Variants in JAG2 observed in about 807,000 individuals in gnomAD.
The protein encoded by JAG2 is jagged canonical Notch ligand 2.
JAG2 carries 46 observed loss-of-function variants against 141.7 expected under a neutral mutation model. The observed-to-expected ratio is 0.32, with a 90% CI of 0.26 to 0.42. The LOEUF is 0.42. JAG2 is among the 10% of genes least tolerant of loss of function. The pLI is 1.00. For synonymous variants in JAG2, 862 were observed against 763.5 expected (o/e 1.13, Z -2.13); for missense variants, 1,500 against 1,817.5 (o/e 0.83, Z 3.18).
At position 105,168,335 on chromosome 14, in the gene JAG2, G is replaced by A; in HGVS notation, c.66+20C>T. 2.0e-5 allele frequency: 7 copies of A among 347,110 alleles called. No individual in the cohort carries two copies. The highest frequency in any genetic ancestry group is 1.2e-4 in the South Asian group (2 of 16,052). 21.5% of individuals were successfully genotyped at this position (347,110 alleles called of 1,614,324 possible). ...GTGTGCCCCGTCCGCGACCCCCGCC[G>A]CCCCCGCCGCCCCGCTCACCTGCAC... On this transcript the variant is annotated intron_variant, in intron 1 of 25. Transcript: ENST00000331782.
At chr14:105,148,086 G>A in intron 17 of JAG2, 30 bp downstream of exon 17, 1 of 1,512,902 alleles carries the variant, frequency 6.6e-7, no homozygotes, top group Non-Finnish European at 9.0e-7. Flanking sequence ...CATATGCCCG[G>A]CGGTCGCAGA....
rs145737381 is a variant in JAG2, at chr14:105,145,832, C to T, written c.2851G>A (p.Ala951Thr). 2,617 of 1,562,734 alleles carry T rather than the reference C, an allele frequency of 1.7e-3. 35 individuals carry two copies. In the African/African-American group the frequency reaches 0.028, roughly 17 times the overall value. Residue 951 changes from alanine to threonine, a missense_variant, in exon 23 of 26, where the codon GCA (alanine) becomes ACA (threonine). This residue lies in a region of JAG2 where 425 missense variants were observed against 441.0 expected (regional missense o/e 0.96). Transcript: ENST00000331782. ...CAGGGGGTGCTCGGTGGCTCTTCTG[C>T]GCCGCACTCCCCCCAGGCCTCACAG... Reference protein sequence around the residue: ...PPCEAWGECGAEEPPSTPCLP... With the variant: ...PPCEAWGECGTEEPPSTPCLP...
In JAG2 at chr14:105,167,887, G is replaced by A; in HGVS notation, c.287C>T (p.Pro96Leu). Reference sequence around the variant, plus strand: ...GTAGAAGGAGTTGCCGCCCAGCACGGGCGTGGCGCCGTGGCCGTAGCTGCA... The same window carrying A: ...GTAGAAGGAGTTGCCGCCCAGCACGAGCGTGGCGCCGTGGCCGTAGCTGCA... ...GPCSYGHGAT[P>L]VLGGNSFYLP... is the part of the protein sequence containing the mutation. The change falls in exon 2 of 26, where the codon CCC (proline) becomes CTC (leucine). Residue 96 changes from proline to leucine, a missense_variant. Coordinates refer to ENST00000331782, the MANE Select transcript of JAG2 (RefSeq NM_002226.5). This position sits in a 1 kb window ranked among gnomAD's most constrained non-coding sequence, Gnocchi z 4.8. The A allele has an allele frequency of 1.3e-6, 2 of 1,584,408 alleles. No individual in the cohort carries two copies. Among genetic ancestry groups the A allele is most frequent in the Non-Finnish European group, 1.7e-6 (2 of 1,170,678 alleles).
Position 105,151,729 on chromosome 14 carries a change from G to A in JAG2, c.1050C>T (p.Ala350=). 6.2e-7 allele frequency: 1 copy of A among 1,609,816 alleles called. No homozygotes were observed. Among genetic ancestry groups the A allele is most frequent in the Non-Finnish European group, 8.5e-7 (1 of 1,178,726 alleles). ...SGRNCEKAEH[A]CTSNPCANGG... ...CGTTGGCACACGGGTTGGAGGTGCAGGCGTGCTCAGCTGTAGAACCGCGGG... is the reference window on the plus strand; with the variant it reads ...CGTTGGCACACGGGTTGGAGGTGCAAGCGTGCTCAGCTGTAGAACCGCGGG... Residue 350 remains alanine, a synonymous_variant, in exon 8 of 26, where the codon GCC becomes GCT. Coordinates refer to ENST00000331782, the MANE Select transcript of JAG2 (RefSeq NM_002226.5).
chr14:105,164,984 A>C (rs1209476336), intron 2 of JAG2, among the ~76,000 whole-genome samples: 6 of 152,170 alleles, frequency 3.9e-5, no homozygotes, highest in Non-Finnish European at 7.4e-5. Context: ...TCATAAGCCC[A>C]GATCTGTCAC....
chr14:105,164,751 G>A (rs587669362), intron 2 of JAG2, among the ~76,000 whole-genome samples: 54 of 152,288 alleles, frequency 3.5e-4, no homozygotes, highest in Admixed American at 3.5e-3. Context: ...ACAGGTCTGG[G>A]AGCCGGGCTG....
rs587644776 is a variant in JAG2, at chr14:105,155,829, C to T, written c.636G>A (p.Arg212=). 1.5e-5 allele frequency: 24 copies of T among 1,612,678 alleles called. 1 individual carries two copies. In the South Asian group the frequency reaches 2.5e-4, roughly 17 times the overall value. ...YYSATCNKFC[R]PRNDFFGHYT... is the part of the protein sequence containing the mutation. ...AGTGGCCGAAAAAGTCGTTGCGGGG[C>T]CGGCAGAACTTGTTGCAAGTGGCGC... The change falls in exon 4 of 26, where the codon CGG becomes CGA. Residue 212 remains arginine, a synonymous_variant. Transcript: ENST00000331782.
rs1430500463 is a variant in JAG2, at chr14:105,154,335, T to TGCTGTCTCTCCACCC, written c.788+1212_788+1226dup. Among the ~76,000 whole-genome samples, 42 of 152,280 alleles carry TGCTGTCTCTCCACCC rather than the reference T, an allele frequency of 2.8e-4. No homozygotes were observed. The highest frequency in any genetic ancestry group is 9.1e-4 in the African/African-American group (38 of 41,558). On this transcript the variant is annotated intron_variant, in intron 5 of 25. Transcript: ENST00000331782. This position sits in a 1 kb window ranked among gnomAD's most constrained non-coding sequence, Gnocchi z 4.4. ...CTGGAGGGCGGTGCTCACCTCCACC[T>TGCTGTCTCTCCACCC]GCTGTCTCTCCACCCGCTCGCGCCC...
At chr14:105,161,402 G>A (rs1415277032) in intron 2 of JAG2, among the ~76,000 whole-genome samples, 1 of 152,254 alleles carries the variant, frequency 6.6e-6, no homozygotes, top group South Asian at 2.1e-4. Context: ...CCGGTCTCCC[G>A]GCACAGCCAC....
chr14:105,167,699 G>C lies in JAG2; in HGVS notation c.417+58C>G. The C allele has an allele frequency of 7.3e-7, 1 of 1,368,524 alleles. No homozygotes were observed. The highest frequency in any genetic ancestry group is 9.4e-7 in the Non-Finnish European group (1 of 1,060,598). 84.8% of individuals were successfully genotyped at this position (1,368,524 alleles called of 1,614,324 possible). ...GGTGTTGGGGGTCGCGAAGCGCGCGGGGCCGGGGCGCGGAGAGAGAGGGAA... is the reference window on the plus strand; with the variant it reads ...GGTGTTGGGGGTCGCGAAGCGCGCGCGGCCGGGGCGCGGAGAGAGAGGGAA... On this transcript the variant is annotated intron_variant, in intron 2 of 25. Transcript: ENST00000331782. This position sits in a 1 kb window ranked among gnomAD's most constrained non-coding sequence, Gnocchi z 4.8.
At position 105,143,604 on chromosome 14, in the gene JAG2, CT is replaced by C; in HGVS notation, c.3118del (p.Ser1040AlafsTer2). 1 of 1,608,394 alleles carries C rather than the reference CT, an allele frequency of 6.2e-7. No homozygotes were observed. The highest frequency in any genetic ancestry group is 8.5e-7 in the Non-Finnish European group (1 of 1,179,622). ...FSPARDLPDSSLIQGAAHAIV... is the reference protein window; with the variant it reads ...FSPARDLPDSXLIQGAAHAIV... The stretch of plus-strand genomic sequence containing the variant: ...GGCGTGGGCCGCGCCCTGGATCAGG[CT>C]GCTGTCAGGCAGGTCCCTGGCAGGG... On this transcript the variant is annotated frameshift_variant, in exon 25 of 26. Coordinates refer to ENST00000331782, the MANE Select transcript of JAG2 (RefSeq NM_002226.5). LOFTEE classifies it high-confidence loss of function.
Position 105,168,393 on chromosome 14 carries a change from G to T in JAG2, c.28C>A (p.Pro10Thr). ...GCCAGCAGCAGCAGCAGCCGCCGGG[G>T]AAGGCGCCCCCGGCCCTGCGCCCGC... MRAQGRGRL[P>T]RRLLLLLALW... Residue 10 changes from proline to threonine, a missense_variant, in exon 1 of 26, where the codon CCC becomes ACC. By Grantham distance (38) the Pro-to-Thr change is conservative. Transcript: ENST00000331782. 9.7e-7 allele frequency: 1 copy of T among 1,028,776 alleles called. No individual in the cohort carries two copies. Among genetic ancestry groups the T allele is most frequent in the Non-Finnish European group, 1.2e-6 (1 of 838,716 alleles). 63.7% of individuals were successfully genotyped at this position (1,028,776 alleles called of 1,614,324 possible).
At chr14:105,150,443 C>G (rs587736791) in intron 12 of JAG2, among the ~76,000 whole-genome samples, 161 bp downstream of exon 12, 2 of 152,300 alleles carry the variant, frequency 1.3e-5, no homozygotes, top group South Asian at 4.1e-4. Flanking sequence ...GACAGCCCCG[C>G]CTGCCCACCT....
At chr14:105,163,964 G>A (rs913596054) in intron 2 of JAG2, among the ~76,000 whole-genome samples, 1 of 152,046 alleles carries the variant, frequency 6.6e-6, no homozygotes, top group Non-Finnish European at 1.5e-5. Flanking sequence ...CAGCAGCTCA[G>A]GCCGAAGCCT....
chr14:105,145,438 A>G (rs2816637), intron 23 of JAG2, among the ~76,000 whole-genome samples: 145,066 of 152,336 alleles, frequency 0.95, 69,145 homozygotes, highest in East Asian at 1. Flanking sequence ...CCACGGAGCT[A>G]CAGCCCAAGA....
In JAG2 at chr14:105,155,857, T is replaced by C; in HGVS notation, c.608A>G (p.Tyr203Cys). ...GCAGAACTTGTTGCAAGTGGCGCTG[T>C]AGTAGTTCTCGTCGCAGCGCACGCG... Reference protein sequence around the residue: ...QIRVRCDENYYSATCNKFCRP... With the variant: ...QIRVRCDENYCSATCNKFCRP... Residue 203 changes from tyrosine to cysteine, a missense_variant, in exon 4 of 26, where the codon TAC becomes TGC. By Grantham distance (194) the Tyr-to-Cys change is radical. Transcript: ENST00000331782. 6.2e-7 allele frequency: 1 copy of C among 1,612,478 alleles called. No homozygotes were observed.
Position 105,148,208 on chromosome 14 carries a change from T to C in JAG2, c.2156A>G (p.Tyr719Cys). The change falls in exon 17 of 26, where the codon TAC becomes TGC. Residue 719 changes from tyrosine (Y) to cysteine (C), a missense_variant. This residue lies in a region of JAG2 where 875 missense variants were observed against 1,202.2 expected (regional missense o/e 0.73). Transcript: ENST00000331782. ...CHSREFQCDAYTCSNGGTCYD... is the reference protein window; with the variant it reads ...CHSREFQCDACTCSNGGTCYD... ...GCAGGTGCCACCGTTGCTGCAGGTG[T>C]AGGCATCGCACTGGAACTCGCCTGT... The C allele has an allele frequency of 6.4e-7, 1 of 1,556,858 alleles. No individual in the cohort carries two copies. Among genetic ancestry groups the C allele is most frequent in the Non-Finnish European group, 8.7e-7 (1 of 1,150,746 alleles).
At position 105,148,947 on chromosome 14, in the gene JAG2, G is replaced by A. The variant is rs1422399746; in HGVS notation, c.1896C>T (p.Tyr632=). Reference sequence around the variant, plus strand: ...TTCGTGGCCACTCACTCTCATGGCAGTAGGTGCCAGTAAAGCCACTGTCAC... The same window carrying A: ...TTCGTGGCCACTCACTCTCATGGCAATAGGTGCCAGTAAAGCCACTGTCAC... The part of the protein sequence containing the change: ...CICDSGFTGT[Y]CHENIDDCLG... Residue 632 remains tyrosine, a synonymous_variant, in exon 14 of 26, where the codon TAC becomes TAT. Transcript: ENST00000331782. 6.2e-7 allele frequency: 1 copy of A among 1,606,338 alleles called. No homozygotes were observed. The highest frequency in any genetic ancestry group is 1.6e-4 in the Middle Eastern group (1 of 6,078).
At chr14:105,148,715 G>A in intron 15 of JAG2, 30 bp downstream of exon 15, 1 of 1,511,920 alleles carries the variant, frequency 6.6e-7, no homozygotes, top group Non-Finnish European at 9.0e-7. Flanking sequence ...TGGAGGCACA[G>A]GCCGTGTGGG....
Sources: gnomAD v4.1 joint callset for allele counts (sites outside exome capture counted in the v4.1 genomes callset) on GRCh38, gnomAD v4.1.1 for gene constraint, gnomAD v4.1.1 regional missense constraint, Gnocchi (gnomAD v3.1) non-coding constraint, MANE v1.5 for transcripts, NCBI Gene and HGNC (gene_info 2026-07-23, HGNC 2026-07-21) for gene names.